Variants in MTMR1 observed in about 807,000 individuals in gnomAD.
MTMR1 encodes myotubularin related protein 1.
A neutral mutation model predicts 51.6 loss-of-function variants in MTMR1; 17 were observed. The ratio of observed to expected loss-of-function variants is 0.33; its 90% CI spans 0.23 to 0.49. MTMR1 has a LOEUF of 0.49. Ranked by LOEUF, MTMR1 falls within the 20% of genes least tolerant of loss-of-function variation. The pLI is 0.99. For missense variants in MTMR1, 386 were observed against 526.9 expected (o/e 0.73, Z 2.62); for synonymous variants, 201 against 205.6 (o/e 0.98, Z 0.19).
At chrX:150,740,858 G>A (rs138984490) in intron 12 of MTMR1, among the ~76,000 whole-genome samples, 1,303 of 110,231 alleles carry the variant, frequency 0.012, 8 homozygotes, top group Non-Finnish European at 0.019. Flanking sequence ...AGAGAGAGGG[G>A]AGAGGGTGCC....
chrX:150,699,147 C>G, intron 1 of MTMR1, 48 bp from the exon 2 acceptor site: 1 of 882,212 alleles, frequency 1.1e-6, no homozygotes, highest in Non-Finnish European at 1.6e-6. Flanking sequence ...AATTTTTTCA[C>G]TGAGATCCTA....
intron 15 of MTMR1, among the ~76,000 whole-genome samples, chrX:150,761,944 A>AG (rs1557418036): frequency 1.8e-5 from 2 of 112,110 alleles, no homozygotes; most frequent in Non-Finnish European, 1.9e-5. Context: ...AAAGCTAATT[A>AG]AAGGTGAGGC....
chrX:150,745,663 G>A (rs2042557582), intron 13 of MTMR1, among the ~76,000 whole-genome samples: 1 of 112,100 alleles, frequency 8.9e-6, no homozygotes, highest in Non-Finnish European at 1.9e-5. Flanking sequence ...GGAGAACTCA[G>A]AAGATGGCTC....
At chrX:150,736,066 C>T (rs1391008590) in intron 10 of MTMR1, 2 of 114,488 alleles carry the variant, frequency 1.7e-5, no homozygotes, top group African/African-American at 6.5e-5. Flanking sequence ...TGTTGCAGTC[C>T]TAACTCCAAG....
At chrX:150,751,341 A>G (rs2042724139) in intron 14 of MTMR1, 1 of 483,088 alleles carries the variant, frequency 2.1e-6, no homozygotes, top group Non-Finnish European at 2.6e-6. Flanking sequence ...AGTGTGGGAT[A>G]AAAGAGAAAC....
intron 10 of MTMR1, among the ~76,000 whole-genome samples, chrX:150,733,219 G>C (rs1320156695): frequency 9.0e-6 from 1 of 111,432 alleles, no homozygotes; most frequent in Non-Finnish European, 1.9e-5. Context: ...CCGTTCCCAT[G>C]ACTTTCATGA....
At chrX:150,748,799 C>T (rs2042647838) in intron 13 of MTMR1, among the ~76,000 whole-genome samples, 2 of 110,886 alleles carry the variant, frequency 1.8e-5, no homozygotes, top group Admixed American at 1.9e-4. Flanking sequence ...CACTGCACTC[C>T]AGCCTGGGCA....
At chrX:150,713,916 T>TAG (rs1176755212) in intron 3 of MTMR1, among the ~76,000 whole-genome samples, 1 of 104,182 alleles carries the variant, frequency 9.6e-6, no homozygotes, top group Non-Finnish European at 2.0e-5. Flanking sequence ...TATGTGTGTA[T>TAG]ACACACACAC....
chrX:150,716,693 A>G (rs1603243629), intron 3 of MTMR1, among the ~76,000 whole-genome samples: 1 of 112,174 alleles, frequency 8.9e-6, no homozygotes, highest in Admixed American at 9.4e-5. Flanking sequence ...TTAACATTGA[A>G]TTTGTTATTT....
At chrX:150,753,423 G>A (rs2042811186) in intron 14 of MTMR1, among the ~76,000 whole-genome samples, 1 of 112,221 alleles carries the variant, frequency 8.9e-6, no homozygotes, top group Non-Finnish European at 1.9e-5. Flanking sequence ...CAAAGCAGTT[G>A]CACACACGAG....
chrX:150,711,629 AGT>A (rs1187566544), intron 2 of MTMR1, among the ~76,000 whole-genome samples: 13 of 111,960 alleles, frequency 1.2e-4, no homozygotes, highest in Non-Finnish European at 2.3e-4. Flanking sequence ...TGCTAAAATC[AGT>A]GTGCCTGCTG....
rs2042075993 is a variant in MTMR1, at chrX:150,730,289, A to G, written c.657+79A>G. Reference sequence around the variant, plus strand: ...CCTATGTTTAATTATTCCTTTTTCCAGAGGTTTTTTTTTTTCCTCTCTTTT... The same window carrying G: ...CCTATGTTTAATTATTCCTTTTTCCGGAGGTTTTTTTTTTTCCTCTCTTTT... On this transcript the variant is annotated intron_variant, in intron 7 of 15. Coordinates refer to ENST00000445323, the MANE Select transcript of MTMR1 (RefSeq NM_001306144.3). 10 of 747,468 alleles carry G rather than the reference A, an allele frequency of 1.3e-5. No individual in the cohort carries two copies. In the African/African-American group the frequency reaches 1.6e-4, roughly 12 times the overall value. 61.6% of individuals were successfully genotyped at this position (747,468 alleles called of 1,213,427 possible). A position where few individuals can be genotyped will look rare whatever the true frequency, so the allele number is the denominator to read the frequency against.
rs1436409149 is a variant in MTMR1 at position 150,730,470 on chromosome X, G to A, written c.658-55G>A. On this transcript the variant is annotated intron_variant, in intron 7 of 15. Transcript: ENST00000445323. The stretch of plus-strand genomic sequence containing the variant: ...TTAGAATGAAAAGCTTTAATATTGG[G>A]TATATGATATAAAAAGAAATAGTAA... 36 of 797,021 alleles carry A rather than the reference G, an allele frequency of 4.5e-5. No individual in the cohort carries two copies. The East Asian group carries it at 1.1e-3, about 25-fold the overall frequency. 65.7% of individuals were successfully genotyped at this position (797,021 alleles called of 1,213,427 possible).
chrX:150,717,437 TTTTA>T (rs1350912471), intron 3 of MTMR1, among the ~76,000 whole-genome samples: 2 of 108,761 alleles, frequency 1.8e-5, no homozygotes, highest in African/African-American at 6.7e-5. Context: ...TTTCCCAAAC[TTTTA>T]TTTATTTATT....
At chrX:150,716,765 T>C (rs1423911378) in intron 3 of MTMR1, among the ~76,000 whole-genome samples, 1 of 112,679 alleles carries the variant, frequency 8.9e-6, no homozygotes, top group Non-Finnish European at 1.9e-5. Context: ...TATTTCTAAA[T>C]TGACCTTTAG....
intron 14 of MTMR1, chrX:150,751,308 T>C: frequency 1.6e-6 from 1 of 611,623 alleles, no homozygotes; most frequent in Middle Eastern, 6.7e-4. Flanking sequence ...CAGAGTTACA[T>C]CTCATTTCTT....
chrX:150,699,692 G>A (rs1557415872), intron 2 of MTMR1, among the ~76,000 whole-genome samples: 1 of 112,335 alleles, frequency 8.9e-6, no homozygotes, highest in Non-Finnish European at 1.9e-5. Context: ...GCATTAACAT[G>A]TGATACTAGA....
intron 13 of MTMR1, among the ~76,000 whole-genome samples, chrX:150,750,472 C>T (rs1465552190): frequency 9.0e-6 from 1 of 111,650 alleles, no homozygotes; most frequent in African/African-American, 3.3e-5. Context: ...TCTGTCCTGC[C>T]GCCATGGTGA....
In MTMR1 at chrX:150,693,452, G is replaced by C; in HGVS notation, c.-79G>C. Reference sequence around the variant, plus strand: ...GCGGGCGGTATAGAGCGGGCGGCAGGAGGCAAGCAGCGAAACCTTCCCGGC... The same window carrying C: ...GCGGGCGGTATAGAGCGGGCGGCAGCAGGCAAGCAGCGAAACCTTCCCGGC... On this transcript the variant is annotated 5_prime_UTR_variant, in exon 1 of 16. Coordinates refer to ENST00000445323, the MANE Select transcript of MTMR1 (RefSeq NM_001306144.3). The C allele has an allele frequency of 4.0e-6, 3 of 757,967 alleles. No homozygotes were observed. Among genetic ancestry groups the C allele is most frequent in the Non-Finnish European group, 4.7e-6 (3 of 641,766 alleles). 62.5% of individuals were successfully genotyped at this position (757,967 alleles called of 1,213,427 possible).
Sources: gnomAD v4.1 joint callset for allele counts (sites outside exome capture counted in the v4.1 genomes callset) on GRCh38, gnomAD v4.1.1 for gene constraint, MANE v1.5 for transcripts, NCBI Gene and HGNC (gene_info 2026-07-23, HGNC 2026-07-21) for gene names.